Variants in ROBO1 observed in about 807,000 individuals in gnomAD.
ROBO1 encodes the protein roundabout guidance receptor 1, also known as roundabout homolog 1.
ROBO1 carries 149 observed loss-of-function variants against 195.9 expected under a neutral mutation model. That is an observed-to-expected ratio of 0.76 (90% CI 0.67 to 0.87). The LOEUF (loss-of-function observed/expected upper bound fraction) is 0.87. Among genes scored for constraint, ROBO1 ranks in the 40% least tolerant of loss-of-function variants. The pLI, the probability that ROBO1 is intolerant of heterozygous loss-of-function variation, is 0.00. For missense variants in ROBO1, 1,933 were observed against 2,068.3 expected (o/e 0.93, Z 1.27); for synonymous variants, 816 against 733.2 (o/e 1.11, Z -1.82).
intron 5 of ROBO1, among the ~76,000 whole-genome samples, chr3:78,730,689 C>A (rs866371675): frequency 6.6e-6 from 1 of 152,056 alleles, no homozygotes; most frequent in African/African-American, 2.4e-5. Flanking sequence ...GTTGCTTCAC[C>A]CTCCTTTGTT....
At chr3:79,446,319 A>G (rs554918364) in intron 2 of ROBO1, among the ~76,000 whole-genome samples, 9 of 152,356 alleles carry the variant, frequency 5.9e-5, no homozygotes, top group African/African-American at 1.4e-4. Context: ...AAATCAAATT[A>G]TAGGAGTCTA....
intron 2 of ROBO1, among the ~76,000 whole-genome samples, chr3:79,251,436 G>A (rs1576878091): frequency 6.6e-6 from 1 of 152,224 alleles, no homozygotes; most frequent in African/African-American, 2.4e-5. Flanking sequence ...AACAAATTGG[G>A]TAATAACATG....
At chr3:78,918,238 T>C (rs1269308430) in intron 4 of ROBO1, among the ~76,000 whole-genome samples, 1 of 152,162 alleles carries the variant, frequency 6.6e-6, no homozygotes, top group East Asian at 1.9e-4. Flanking sequence ...ATAGGTTAAA[T>C]TGTGTTGATG....
intron 2 of ROBO1, among the ~76,000 whole-genome samples, chr3:79,150,962 A>G (rs1049559586): frequency 3.3e-5 from 5 of 151,720 alleles, no homozygotes. Context: ...TTGAATGGTA[A>G]TAATCCCCAT....
At chr3:78,747,885 T>C (rs1576077865) in intron 4 of ROBO1, among the ~76,000 whole-genome samples, 1 of 152,308 alleles carries the variant, frequency 6.6e-6, no homozygotes. Context: ...ATGTTAGTCT[T>C]AAATACAACT....
intron 3 of ROBO1, among the ~76,000 whole-genome samples, chr3:79,103,185 G>C (rs1249946154): frequency 6.6e-6 from 1 of 151,596 alleles, no homozygotes; most frequent in Non-Finnish European, 1.5e-5. Context: ...CAATTTATTA[G>C]ACTTACCAAT....
At chr3:79,709,533 T>C (rs1367322574) in intron 1 of ROBO1, among the ~76,000 whole-genome samples, 9 of 152,194 alleles carry the variant, frequency 5.9e-5, no homozygotes, top group African/African-American at 1.9e-4. Flanking sequence ...AGGTTTTCAA[T>C]ATGTACTGAT....
intron 1 of ROBO1, among the ~76,000 whole-genome samples, chr3:79,664,705 T>G (rs532398386): frequency 1.1e-4 from 16 of 152,092 alleles, no homozygotes; most frequent in African/African-American, 3.9e-4. Context: ...TTACGGTGCT[T>G]GTTACATTCT....
intron 3 of ROBO1, among the ~76,000 whole-genome samples, chr3:78,951,397 A>T (rs975157312): frequency 1.3e-5 from 2 of 152,126 alleles, no homozygotes; most frequent in African/African-American, 2.4e-5. Flanking sequence ...TAGTTATGTG[A>T]ATTTGTACAT....
chr3:78,946,169 G>C (rs1188555293), intron 3 of ROBO1, among the ~76,000 whole-genome samples: 1 of 152,014 alleles, frequency 6.6e-6, no homozygotes, highest in Admixed American at 6.5e-5. Context: ...GAAATACAGA[G>C]AACACCACAA....
chr3:79,084,488 A>T (rs2079332227), intron 3 of ROBO1, among the ~76,000 whole-genome samples: 1 of 152,078 alleles, frequency 6.6e-6, no homozygotes. Context: ...CAAGAGCGAA[A>T]CTCCATCTCA....
At chr3:79,760,407 T>C (rs896924017) in intron 1 of ROBO1, among the ~76,000 whole-genome samples, 5 of 148,362 alleles carry the variant, frequency 3.4e-5, no homozygotes, top group African/African-American at 1.2e-4. Flanking sequence ...ACAGTGTATA[T>C]CATATTTGAA....
chr3:78,945,409 G>A (rs895603879), intron 3 of ROBO1, among the ~76,000 whole-genome samples: 1 of 152,054 alleles, frequency 6.6e-6, no homozygotes, highest in Non-Finnish European at 1.5e-5. Context: ...AGGCAAACAG[G>A]GTCTGGAGTG....
intron 1 of ROBO1, among the ~76,000 whole-genome samples, chr3:79,744,641 G>A (rs577150069): frequency 4.1e-4 from 63 of 152,234 alleles, no homozygotes; most frequent in African/African-American, 1.2e-3. Flanking sequence ...AGAACTATGA[G>A]AAGTAAGCAC....
rs571811054 is a variant in ROBO1 at position 79,497,046 on chromosome 3, T to A, written c.88+92778A>T. Among the ~76,000 whole-genome samples the A allele has an allele frequency of 3.3e-5, 5 of 152,314 alleles. No homozygotes were observed. The South Asian group carries it at 8.3e-4, about 25-fold the overall frequency. On this transcript the variant is annotated intron_variant, in intron 2 of 30. Coordinates refer to ENST00000464233, the MANE Select transcript of ROBO1 (RefSeq NM_002941.4). ...ACAACTACTCATATTTAGATTTTTT[T>A]AAAGTGTAAATATTAAAGAATCTGA...
rs561993289 is a variant in ROBO1, at chr3:79,720,702, T to C, written c.-51+47050A>G. On this transcript the variant is annotated intron_variant, in intron 1 of 30. Transcript: ENST00000464233. ...ACATTCATAATGTTCTTTGGAAATATGTGAGATTTCTATGGATTCTACTAA... is the reference window on the plus strand; with the variant it reads ...ACATTCATAATGTTCTTTGGAAATACGTGAGATTTCTATGGATTCTACTAA... 3.3e-5 allele frequency among the ~76,000 whole-genome samples: 5 copies of C among 152,248 alleles called. No homozygotes were observed. In the East Asian group the frequency reaches 9.7e-4, roughly 29 times the overall value.
At chr3:78,991,572 G>T (rs182955602) in intron 3 of ROBO1, among the ~76,000 whole-genome samples, 2 of 152,190 alleles carry the variant, frequency 1.3e-5, no homozygotes, top group Non-Finnish European at 2.9e-5. Flanking sequence ...GGTGAAACCT[G>T]GTATAATGCT....
At position 79,617,375 on chromosome 3, in the gene ROBO1, A is replaced by G. The variant is rs191318705; in HGVS notation, c.-50-27414T>C. 9.8e-3 allele frequency among the ~76,000 whole-genome samples: 1,488 copies of G among 152,286 alleles called. 9 individuals carry two copies. The highest frequency in any genetic ancestry group is 0.017 in the Non-Finnish European group (1,141 of 68,022). The stretch of plus-strand genomic sequence containing the variant: ...TCCTGAGACCTCCACATTCCAGGAC[A>G]TGAAAAATATAGTGAGATGGTTCAT... On this transcript the variant is annotated intron_variant, in intron 1 of 30. Transcript: ENST00000464233.
intron 2 of ROBO1, among the ~76,000 whole-genome samples, chr3:79,276,683 T>G (rs537893349): frequency 2.0e-4 from 31 of 151,918 alleles, no homozygotes; most frequent in African/African-American, 7.0e-4. Flanking sequence ...AATGAAGAGA[T>G]AGCCCACAGA....
Sources: gnomAD v4.1 joint callset for allele counts (sites outside exome capture counted in the v4.1 genomes callset) on GRCh38, gnomAD v4.1.1 for gene constraint, MANE v1.5 for transcripts, NCBI Gene and HGNC (gene_info 2026-07-23, HGNC 2026-07-21) for gene names.